The following LYPD6B variants were observed in gnomAD, a reference collection of about 807,000 sequenced individuals.
The protein encoded by LYPD6B is ly6/PLAUR domain-containing protein 6B.
A neutral mutation model predicts 22.8 loss-of-function variants in LYPD6B; 17 were observed. That is an observed-to-expected ratio of 0.75 (90% CI 0.51 to 1.12). The LOEUF is 1.12. LYPD6B is among the 50% of genes most tolerant of loss of function. The pLI is 0.00. For synonymous variants in LYPD6B, 106 were observed against 91.6 expected, an observed-to-expected ratio of 1.16 and a Z score of -0.90; for missense variants, 221 against 258.3, an observed-to-expected ratio of 0.86 and a Z score of 0.99.
At chr2:149,127,317 G>A (rs972263651) in intron 1 of LYPD6B, among the ~76,000 whole-genome samples, 2 of 152,016 alleles carry the variant, frequency 1.3e-5, no homozygotes, top group Admixed American at 6.6e-5. Context: ...TAACAGTATC[G>A]AGGGCTCAAA....
At chr2:149,204,181 C>T (rs534863620) in intron 3 of LYPD6B, among the ~76,000 whole-genome samples, 1 of 152,250 alleles carries the variant, frequency 6.6e-6, no homozygotes, top group African/African-American at 2.4e-5. Context: ...CTCACATTTA[C>T]CTAAATATGT....
At chr2:149,187,875 A>G (rs1193287487) in intron 3 of LYPD6B, among the ~76,000 whole-genome samples, 2 of 152,258 alleles carry the variant, frequency 1.3e-5, no homozygotes, top group East Asian at 3.8e-4. Flanking sequence ...TAGAGGGTAT[A>G]AATTGGATTA....
At chr2:149,095,101 G>C (rs1685843294) in intron 1 of LYPD6B, among the ~76,000 whole-genome samples, 1 of 152,106 alleles carries the variant, frequency 6.6e-6, no homozygotes, top group African/African-American at 2.4e-5. Context: ...TTCGTAACCA[G>C]CCTGGCCAAC....
chr2:149,069,221 A>G (rs973589003), intron 1 of LYPD6B, among the ~76,000 whole-genome samples: 7 of 151,938 alleles, frequency 4.6e-5, no homozygotes, highest in South Asian at 4.2e-4. Context: ...CAGAATTATG[A>G]CTAGTCATTA....
chr2:149,147,327 C>T (rs1439709639), intron 2 of LYPD6B, among the ~76,000 whole-genome samples: 1 of 152,148 alleles, frequency 6.6e-6, no homozygotes. Flanking sequence ...AGAGGGTAAC[C>T]CAAGTCATTA....
rs564808406 is a variant in LYPD6B at position 149,160,821 on chromosome 2, A to G, written c.63A>G (p.Thr21=). The G allele has an allele frequency of 3.0e-5, 46 of 1,553,614 alleles. No homozygotes were observed. The African/African-American group carries it at 5.7e-4, about 19-fold the overall frequency. ...TTCCAGAGAGGAGCCTGACAACCAC[A>G]TTCTCCTTCTCAAGGTAAGAATGGC... is the stretch of plus-strand genomic sequence containing the variant. The part of the protein sequence containing the change: ...FTVPERSLTT[T]FSFSRYKSSD... Residue 21 remains threonine, a synonymous_variant, in exon 3 of 7, where the codon ACA becomes ACG. Transcript: ENST00000409642.
At chr2:149,070,551 A>C (rs566566621) in intron 1 of LYPD6B, among the ~76,000 whole-genome samples, 1 of 152,178 alleles carries the variant, frequency 6.6e-6, no homozygotes, top group Non-Finnish European at 1.5e-5. Flanking sequence ...CTGGATCATC[A>C]TAAGTGCTCA....
intron 1 of LYPD6B, among the ~76,000 whole-genome samples, chr2:149,040,871 C>T (rs1161141555): frequency 6.6e-6 from 1 of 152,070 alleles, no homozygotes; most frequent in Non-Finnish European, 1.5e-5. Context: ...TTTGTTTATT[C>T]ATTCATTCGA....
intron 1 of LYPD6B, among the ~76,000 whole-genome samples, chr2:149,113,649 G>A (rs950460232): frequency 6.6e-6 from 1 of 152,058 alleles, no homozygotes; most frequent in East Asian, 1.9e-4. Context: ...TCTCACTATA[G>A]TCTCTAGTGG....
At chr2:149,045,333 G>A (rs890352261) in intron 1 of LYPD6B, among the ~76,000 whole-genome samples, 1 of 151,816 alleles carries the variant, frequency 6.6e-6, no homozygotes, top group Non-Finnish European at 1.5e-5. Flanking sequence ...TCTGTCTAGA[G>A]GTTTATCAAT....
Position 149,130,966 on chromosome 2 carries a change from T to C in LYPD6B, c.5+13T>C. ...TCACATGGATGTTGTGAGTATTATA[T>C]TCACAAGTGGATGTAGAGAAGATAT... On this transcript the variant is annotated intron_variant, in intron 2 of 6. Coordinates refer to ENST00000409642, the MANE Select transcript of LYPD6B (RefSeq NM_177964.5). 2.5e-6 allele frequency: 4 copies of C among 1,584,798 alleles called. No individual in the cohort carries two copies. Among genetic ancestry groups the C allele is most frequent in the African/African-American group, 1.3e-5 (1 of 74,472 alleles).
At chr2:149,151,667 G>T (rs390598) in intron 2 of LYPD6B, among the ~76,000 whole-genome samples, 51,291 of 152,010 alleles carry the variant, frequency 0.34, 8,912 homozygotes, top group African/African-American at 0.4. Flanking sequence ...TGGGTGTGTT[G>T]TTAGCAAGCT....
intron 3 of LYPD6B, among the ~76,000 whole-genome samples, chr2:149,193,030 C>T (rs1359009439): frequency 6.6e-6 from 1 of 152,064 alleles, no homozygotes; most frequent in African/African-American, 2.4e-5. Context: ...ACTTGTGAGT[C>T]TGTGGATTAG....
intron 1 of LYPD6B, 88 bp from the exon 2 acceptor site, chr2:149,130,795 C>A: frequency 1.5e-6 from 1 of 655,176 alleles, no homozygotes; most frequent in East Asian, 2.6e-5. Flanking sequence ...TGTCCCCAGC[C>A]TAAAACCCCC....
intron 3 of LYPD6B, among the ~76,000 whole-genome samples, chr2:149,171,272 A>T (rs1195044828): frequency 1.3e-5 from 2 of 152,284 alleles, no homozygotes; most frequent in East Asian, 3.9e-4. Flanking sequence ...TACTGTCCAC[A>T]ACATTTATAG....
At chr2:149,092,267 G>A (rs1336638088) in intron 1 of LYPD6B, among the ~76,000 whole-genome samples, 2 of 152,032 alleles carry the variant, frequency 1.3e-5, no homozygotes, top group Non-Finnish European at 2.9e-5. Flanking sequence ...AGAGCTGGAG[G>A]GGAAGTGGAA....
rs1158777538 is a variant in LYPD6B at position 149,203,566 on chromosome 2, A to G, written c.78-1687A>G. 2.0e-5 allele frequency among the ~76,000 whole-genome samples: 3 copies of G among 152,254 alleles called. No individual in the cohort carries two copies. The East Asian group carries it at 5.8e-4, about 29-fold the overall frequency. ...GCATAAGAATGGAATTTAGAAATCC[A>G]ATAACTGAAAGGTCAATCTTGGTTT... On this transcript the variant is annotated intron_variant, in intron 3 of 6. Transcript: ENST00000409642.
At chr2:149,094,781 G>A (rs1685826613) in intron 1 of LYPD6B, among the ~76,000 whole-genome samples, 1 of 152,056 alleles carries the variant, frequency 6.6e-6, no homozygotes, top group Admixed American at 6.6e-5. Context: ...CAAAATCCCT[G>A]CCATATTGTG....
intron 3 of LYPD6B, among the ~76,000 whole-genome samples, chr2:149,164,378 C>T (rs1690286181): frequency 6.6e-6 from 1 of 152,136 alleles, no homozygotes; most frequent in African/African-American, 2.4e-5. Flanking sequence ...GGGCTTCCTG[C>T]ATTCTTGGAG....
Sources: gnomAD v4.1 joint callset for allele counts (sites outside exome capture counted in the v4.1 genomes callset) on GRCh38, gnomAD v4.1.1 for gene constraint, MANE v1.5 for transcripts, NCBI Gene and HGNC (gene_info 2026-07-23, HGNC 2026-07-21) for gene names.